Variants in HS6ST3 observed in about 807,000 individuals in gnomAD.
The protein encoded by HS6ST3 is heparan-sulfate 6-O-sulfotransferase 3.
A neutral mutation model predicts 36.7 loss-of-function variants in HS6ST3; 12 were observed. That is an observed-to-expected ratio of 0.33 (90% CI 0.21 to 0.53). The LOEUF is 0.53. Ranked by LOEUF, HS6ST3 falls within the 20% of genes least tolerant of loss-of-function variation. HS6ST3 has a pLI of 0.95. For synonymous variants in HS6ST3, 240 were observed against 257.5 expected, an observed-to-expected ratio of 0.93 and a Z score of 0.65; for missense variants, 584 against 640.9, an observed-to-expected ratio of 0.91 and a Z score of 0.96.
intron 1 of HS6ST3, among the ~76,000 whole-genome samples, chr13:96,563,102 A>G (rs2056268716): frequency 6.6e-6 from 1 of 151,726 alleles, no homozygotes; most frequent in Non-Finnish European, 1.5e-5. Flanking sequence ...CCTATACCAT[A>G]TTTTCTTTTG....
At chr13:96,691,069 A>T (rs1415750860) in intron 1 of HS6ST3, among the ~76,000 whole-genome samples, 1 of 152,134 alleles carries the variant, frequency 6.6e-6, no homozygotes, top group Non-Finnish European at 1.5e-5. Flanking sequence ...GAGAGTAATA[A>T]ATCAAAACAC....
intron 1 of HS6ST3, among the ~76,000 whole-genome samples, chr13:96,753,639 G>A (rs537623160): frequency 6.6e-6 from 1 of 152,012 alleles, no homozygotes; most frequent in Non-Finnish European, 1.5e-5. Context: ...ATCTTCTGTA[G>A]AAAATGACTC....
intron 1 of HS6ST3, among the ~76,000 whole-genome samples, chr13:96,755,350 T>TTTTTTG (rs751855286): frequency 5.3e-5 from 8 of 151,216 alleles, no homozygotes; most frequent in Non-Finnish European, 8.8e-5. Context: ...GTTTTTTTGT[T>TTTTTTG]TTTTTGTTTT....
intron 1 of HS6ST3, among the ~76,000 whole-genome samples, chr13:96,735,084 A>G (rs997484878): frequency 1.3e-5 from 2 of 152,186 alleles, no homozygotes; most frequent in Non-Finnish European, 2.9e-5. Flanking sequence ...GTTGACAAAG[A>G]AAGTAAAGTC....
intron 1 of HS6ST3, among the ~76,000 whole-genome samples, chr13:96,196,159 A>C (rs551677604): frequency 1.3e-5 from 2 of 152,086 alleles, no homozygotes; most frequent in Admixed American, 6.5e-5. Flanking sequence ...CCGCACATCA[A>C]CTGCTTTCTC....
At chr13:96,573,423 G>A (rs960324113) in intron 1 of HS6ST3, among the ~76,000 whole-genome samples, 2 of 152,096 alleles carry the variant, frequency 1.3e-5, no homozygotes, top group East Asian at 1.9e-4. Context: ...AGCAGAAAGC[G>A]GAGGCAGAGC....
At chr13:96,366,334 G>A (rs529274727) in intron 1 of HS6ST3, among the ~76,000 whole-genome samples, 10 of 152,160 alleles carry the variant, frequency 6.6e-5, no homozygotes, top group Admixed American at 2.0e-4. Context: ...TTAGCTGAGC[G>A]TGATGGCATG....
intron 1 of HS6ST3, among the ~76,000 whole-genome samples, chr13:96,294,590 G>C (rs771798728): frequency 3.9e-5 from 6 of 152,090 alleles, no homozygotes; most frequent in Non-Finnish European, 8.8e-5. Context: ...TCTCATTCCA[G>C]AGGAGGAGTT....
intron 1 of HS6ST3, among the ~76,000 whole-genome samples, chr13:96,751,821 CAT>C (rs905709792): frequency 6.0e-5 from 9 of 150,890 alleles, no homozygotes; most frequent in African/African-American, 2.2e-4. Flanking sequence ...TATATATACA[CAT>C]ATGTACACAC....
chr13:96,793,012 G>A (rs1361608733), intron 1 of HS6ST3, among the ~76,000 whole-genome samples: 3 of 152,062 alleles, frequency 2.0e-5, no homozygotes, highest in Non-Finnish European at 4.4e-5. Flanking sequence ...CTTTGGTCAT[G>A]TGTGGTCCAT....
At chr13:96,248,544 ACAAACATACTCTC>A (rs2054594198) in intron 1 of HS6ST3, among the ~76,000 whole-genome samples, 1 of 152,332 alleles carries the variant, frequency 6.6e-6, no homozygotes, top group Non-Finnish European at 1.5e-5. Context: ...TGTACTGCAT[ACAAACATACTCTC>A]CAAACAGTTC....
chr13:96,228,079 C>T (rs1297616585), intron 1 of HS6ST3, among the ~76,000 whole-genome samples: 2 of 152,040 alleles, frequency 1.3e-5, no homozygotes, highest in Non-Finnish European at 2.9e-5. Flanking sequence ...AATAAAGGAT[C>T]AAGTAGTAGA....
intron 1 of HS6ST3, among the ~76,000 whole-genome samples, chr13:96,554,982 A>T (rs1228806593): frequency 6.6e-6 from 1 of 152,046 alleles, no homozygotes; most frequent in Non-Finnish European, 1.5e-5. Flanking sequence ...TGGGAGGCTG[A>T]GGTGGGAGAA....
At chr13:96,556,898 C>T (rs562527071) in intron 1 of HS6ST3, among the ~76,000 whole-genome samples, 1 of 152,260 alleles carries the variant, frequency 6.6e-6, no homozygotes, top group South Asian at 2.1e-4. Flanking sequence ...AATCATGGCT[C>T]AGGATATTTT....
intron 1 of HS6ST3, among the ~76,000 whole-genome samples, chr13:96,428,560 C>T (rs2055598802): frequency 6.6e-6 from 1 of 152,042 alleles, no homozygotes; most frequent in African/African-American, 2.4e-5. Context: ...ACCTCCTCTT[C>T]TCAAAAGGAC....
intron 1 of HS6ST3, among the ~76,000 whole-genome samples, chr13:96,492,004 A>G (rs935493288): frequency 6.6e-6 from 1 of 152,130 alleles, no homozygotes; most frequent in Non-Finnish European, 1.5e-5. Flanking sequence ...CCCCACAATG[A>G]GAGCAGTTAC....
chr13:96,454,951 G>T (rs1044642523), intron 1 of HS6ST3, among the ~76,000 whole-genome samples: 1 of 150,948 alleles, frequency 6.6e-6, no homozygotes, highest in African/African-American at 2.4e-5. Context: ...GAAAGAAATT[G>T]AAGTTAAATG....
At chr13:96,263,455 A>G (rs2054676362) in intron 1 of HS6ST3, among the ~76,000 whole-genome samples, 1 of 152,226 alleles carries the variant, frequency 6.6e-6, no homozygotes, top group Non-Finnish European at 1.5e-5. Context: ...TTAATATAAG[A>G]AATGGAAAAT....
Position 96,112,578 on chromosome 13 carries a change from A to AATATACATGTATAT in HS6ST3, c.707+21014_707+21015insCATGTATATATATA, listed in dbSNP as rs397773858. 2.5e-5 allele frequency among the ~76,000 whole-genome samples: 2 copies of AATATACATGTATAT among 81,224 alleles called. 1 individual carries two copies. Among genetic ancestry groups the AATATACATGTATAT allele is most frequent in the Non-Finnish European group, 4.7e-5 (2 of 42,982 alleles). 53.3% of individuals were successfully genotyped at this position (81,224 alleles called of 152,430 possible). The stretch of plus-strand genomic sequence containing the variant: ...TAAAACCCCATCTCTAAAATAAATA[A>AATATACATGTATAT]ATATATATATATATATATATATATA... On this transcript the variant is annotated intron_variant, in intron 1 of 1. Coordinates refer to ENST00000376705, the MANE Select transcript of HS6ST3 (RefSeq NM_153456.4).
Sources: allele counts gnomAD v4.1 joint callset (sites outside exome capture counted in the v4.1 genomes callset), GRCh38; gene constraint gnomAD v4.1.1; transcripts MANE v1.5; gene names NCBI Gene and HGNC (gene_info 2026-07-23, HGNC 2026-07-21).